Variants in ST18 observed in about 807,000 individuals in gnomAD.
The protein encoded by ST18 is suppression of tumorigenicity 18 protein.
A neutral mutation model predicts 110.0 loss-of-function variants in ST18; 50 were observed. That is an observed-to-expected ratio of 0.45 (90% CI 0.36 to 0.58). The LOEUF (loss-of-function observed/expected upper bound fraction) is 0.58. Among genes scored for constraint, ST18 ranks in the 20% least tolerant of loss-of-function variants. ST18 has a pLI of 0.00. For synonymous variants in ST18, 461 were observed against 452.4 expected, an observed-to-expected ratio of 1.02 and a Z score of -0.24; for missense variants, 1,306 against 1,280.1, an observed-to-expected ratio of 1.02 and a Z score of -0.31.
chr8:52,394,958 A>C (rs1840585514), intron 2 of ST18, among the ~76,000 whole-genome samples: 1 of 151,678 alleles, frequency 6.6e-6, no homozygotes, highest in African/African-American at 2.4e-5. Context: ...CAATGATTCA[A>C]GACACGAAAG....
chr8:52,232,120 G>A (rs2091567343), intron 2 of ST18, among the ~76,000 whole-genome samples: 2 of 152,156 alleles, frequency 1.3e-5, no homozygotes, highest in Non-Finnish European at 2.9e-5. Flanking sequence ...TAGAGCAGAA[G>A]CACTTCCACT....
chr8:52,152,530 C>T (rs2059079994), intron 15 of ST18, among the ~76,000 whole-genome samples: 1 of 152,160 alleles, frequency 6.6e-6, no homozygotes. Flanking sequence ...AGGGGACATC[C>T]CAGGCCATCG....
intron 2 of ST18, among the ~76,000 whole-genome samples, chr8:52,315,077 C>T (rs1466517315): frequency 6.6e-6 from 1 of 152,170 alleles, no homozygotes; most frequent in Non-Finnish European, 1.5e-5. Context: ...TTTCCTCTTT[C>T]ATATATGGCC....
At position 52,175,070 on chromosome 8, in the gene ST18, C is replaced by T. The variant is rs1407630735; in HGVS notation, c.278-2487G>A. Among the ~76,000 whole-genome samples, 2 of 152,140 alleles carry T rather than the reference C, an allele frequency of 1.3e-5. 1 individual carries two copies. The highest frequency in any genetic ancestry group is 4.8e-5 in the African/African-American group (2 of 41,434). On this transcript the variant is annotated intron_variant, in intron 9 of 25. Transcript: ENST00000689386. ...CATCAGGTGGACCTAAGCTTGAGTTCTGATCCTGGCGGCCTCTCTTGCAAG... is the reference window on the plus strand; with the variant it reads ...CATCAGGTGGACCTAAGCTTGAGTTTTGATCCTGGCGGCCTCTCTTGCAAG...
At position 52,325,720 on chromosome 8, in the gene ST18, AT is replaced by A. The variant is rs557909309; in HGVS notation, c.-465+83607del. On this transcript the variant is annotated intron_variant, in intron 2 of 25. Transcript: ENST00000689386. ...AATTCTATGTTTTTAAAATTTCCCGATTTCCAGCTAGGAATTTTTGCCCAGA... is the reference window on the plus strand; with the variant it reads ...AATTCTATGTTTTTAAAATTTCCCGATTCCAGCTAGGAATTTTTGCCCAGA... Among the ~76,000 whole-genome samples the A allele has an allele frequency of 1.6e-3, 247 of 152,292 alleles. 2 individuals are homozygous for A. The highest frequency in any genetic ancestry group is 5.6e-3 in the African/African-American group (234 of 41,558).
In ST18 at chr8:52,236,701, C is replaced by T. The variant is rs568239294; in HGVS notation, c.-464-6624G>A. ...GATGGCATCTTTCTTTGAGAAAAAT[C>T]ATAGAAAGATCCACAATGATAGCGT... On this transcript the variant is annotated intron_variant, in intron 2 of 25. Transcript: ENST00000689386. 9.0e-4 allele frequency among the ~76,000 whole-genome samples: 137 copies of T among 151,588 alleles called. 5 individuals carry two copies. The South Asian group carries it at 0.027, about 30-fold the overall frequency.
At chr8:52,345,657 G>A (rs1001305574) in intron 2 of ST18, among the ~76,000 whole-genome samples, 1 of 152,164 alleles carries the variant, frequency 6.6e-6, no homozygotes, top group Non-Finnish European at 1.5e-5. Context: ...GTCTACACAG[G>A]CAAAGCATGA....
chr8:52,176,437 C>G (rs141582289), intron 9 of ST18, among the ~76,000 whole-genome samples: 56 of 152,252 alleles, frequency 3.7e-4, no homozygotes, highest in Admixed American at 2.6e-4. Flanking sequence ...AACAACAAAA[C>G]TCTAATAGGT....
At chr8:52,386,584 T>C (rs1490300423) in intron 2 of ST18, among the ~76,000 whole-genome samples, 2 of 152,220 alleles carry the variant, frequency 1.3e-5, no homozygotes, top group African/African-American at 4.8e-5. Flanking sequence ...GCAATGTTAC[T>C]CTTGATGTCT....
chr8:52,223,568 C>T (rs2087848971), intron 3 of ST18, among the ~76,000 whole-genome samples: 1 of 151,450 alleles, frequency 6.6e-6, no homozygotes, highest in South Asian at 2.1e-4. Flanking sequence ...CACTTGAGCC[C>T]AGGAGGCAGA....
intron 17 of ST18, among the ~76,000 whole-genome samples, chr8:52,139,447 C>T (rs1172404501): frequency 6.6e-6 from 1 of 152,132 alleles, no homozygotes; most frequent in Non-Finnish European, 1.5e-5. Context: ...ACTTCGCCTC[C>T]TGGGCTCAAG....
At chr8:52,287,450 T>C (rs970640615) in intron 2 of ST18, among the ~76,000 whole-genome samples, 3 of 152,206 alleles carry the variant, frequency 2.0e-5, no homozygotes, top group Admixed American at 2.0e-4. Context: ...TTCTAGCTCC[T>C]TTAGAGCTAG....
chr8:52,330,167 T>C (rs1200794054), intron 2 of ST18, among the ~76,000 whole-genome samples: 1 of 152,204 alleles, frequency 6.6e-6, no homozygotes, highest in Non-Finnish European at 1.5e-5. Flanking sequence ...GATTAATATT[T>C]CCTTTATGTT....
rs551591904 is a variant in ST18, at chr8:52,315,346, T to C, written c.-464-85269A>G. Among the ~76,000 whole-genome samples, 22 of 152,310 alleles carry C rather than the reference T, an allele frequency of 1.4e-4. No homozygotes were observed. In the South Asian group the frequency reaches 2.1e-3, roughly 14 times the overall value. On this transcript the variant is annotated intron_variant, in intron 2 of 25. Transcript: ENST00000689386. ...ATTAAGCGTATACAACAGCCCCTCATTGACCCATCAACCTGGGAGGTGAGT... is the reference window on the plus strand; with the variant it reads ...ATTAAGCGTATACAACAGCCCCTCACTGACCCATCAACCTGGGAGGTGAGT...
At chr8:52,297,310 G>C (rs2095650634) in intron 2 of ST18, among the ~76,000 whole-genome samples, 1 of 152,188 alleles carries the variant, frequency 6.6e-6, no homozygotes, top group Non-Finnish European at 1.5e-5. Flanking sequence ...GCTAATAGTT[G>C]CATCACTTCA....
rs76694519 is a variant in ST18 at position 52,401,078 on chromosome 8, C to T, written c.-465+8250G>A. 4.9e-3 allele frequency among the ~76,000 whole-genome samples: 752 copies of T among 152,238 alleles called. 5 individuals are homozygous for T. The highest frequency in any genetic ancestry group is 0.01 in the African/African-American group (433 of 41,556). On this transcript the variant is annotated intron_variant, in intron 2 of 25. Coordinates refer to ENST00000689386, the MANE Select transcript of ST18 (RefSeq NM_001352837.2). ...TTATTTCTCCTTTATTTTTGAAAGT[C>T]AGCACTACTAAGTGTAATATTCTTG...
intron 2 of ST18, among the ~76,000 whole-genome samples, chr8:52,276,112 CCG>C (rs144278812): frequency 1.1e-4 from 4 of 37,920 alleles, no homozygotes; most frequent in Non-Finnish European, 2.3e-4. Flanking sequence ...GAAACACACA[CCG>C]CACCTATCAC....
chr8:52,323,562 C>T (rs895927785), intron 2 of ST18, among the ~76,000 whole-genome samples: 1 of 152,166 alleles, frequency 6.6e-6, no homozygotes, highest in Non-Finnish European at 1.5e-5. Context: ...TGTTTAGTGC[C>T]ACAGTGAGAA....
At chr8:52,324,841 G>T (rs1805568642) in intron 2 of ST18, among the ~76,000 whole-genome samples, 1 of 152,174 alleles carries the variant, frequency 6.6e-6, no homozygotes. Context: ...CAATTATATA[G>T]CTTGTTCTAA....
Sources: gnomAD v4.1 joint callset for allele counts (sites outside exome capture counted in the v4.1 genomes callset) on GRCh38, gnomAD v4.1.1 for gene constraint, MANE v1.5 for transcripts, NCBI Gene and HGNC (gene_info 2026-07-23, HGNC 2026-07-21) for gene names.